TMTC4: variants seen among roughly 807,000 people sequenced by gnomAD.
TMTC4 encodes protein O-mannosyl-transferase TMTC4.
TMTC4 carries 65 observed loss-of-function variants against 86.0 expected under a neutral mutation model. That is an observed-to-expected ratio of 0.76 (90% CI 0.62 to 0.93). The LOEUF (loss-of-function observed/expected upper bound fraction) is 0.93. Ranked by LOEUF, TMTC4 falls within the 40% of genes least tolerant of loss-of-function variation. The pLI is 0.00. For missense variants in TMTC4, 866 were observed against 948.1 expected (o/e 0.91, Z 1.14); for synonymous variants, 379 against 382.5 (o/e 0.99, Z 0.11).
intron 12 of TMTC4, among the ~76,000 whole-genome samples, chr13:100,632,053 A>ACACACACACACACTCTCTCTCTCTCT (rs1296569630): frequency 1.2e-4 from 5 of 43,108 alleles, no homozygotes; most frequent in Non-Finnish European, 1.9e-4. Context: ...ACACACACAC[A>ACACACACACACACTCTCTCTCTCTCT]CTCTCTCTCT....
intron 15 of TMTC4, among the ~76,000 whole-genome samples, chr13:100,621,796 C>T (rs960886973): frequency 6.6e-6 from 1 of 152,200 alleles, no homozygotes; most frequent in East Asian, 1.9e-4. Context: ...ATACAGTGAA[C>T]AGAAACGGTA....
At position 100,605,925 on chromosome 13, in the gene TMTC4, T is replaced by C. The variant is rs1351424876; in HGVS notation, c.2134+433A>G. On this transcript the variant is annotated intron_variant, in intron 18 of 18. Coordinates refer to ENST00000342624, the MANE Select transcript of TMTC4 (RefSeq NM_032813.5). This position sits in a 1 kb window ranked among gnomAD's most constrained non-coding sequence, Gnocchi z 4.3. ...TTATAAATGCATTTTAGCCAAGGCA[T>C]AAGAGGATATAAAGCAGAAGACCAG... Among the ~76,000 whole-genome samples the C allele has an allele frequency of 2.6e-5, 4 of 152,112 alleles. No homozygotes were observed. Among genetic ancestry groups the C allele is most frequent in the Non-Finnish European group, 5.9e-5 (4 of 68,018 alleles).
rs181856722 is a variant in TMTC4, at chr13:100,658,013, A to G, written c.553-1545T>C. Among the ~76,000 whole-genome samples the G allele has an allele frequency of 2.0e-5, 3 of 152,330 alleles. No homozygotes were observed. In the East Asian group the frequency reaches 5.8e-4, roughly 29 times the overall value. On this transcript the variant is annotated intron_variant, in intron 5 of 18. Transcript: ENST00000342624. ...CACACACAAACACTACCGAGAAGGAAGCCAGGGACAAAACAAAGGCTTAAC... is the reference window on the plus strand; with the variant it reads ...CACACACAAACACTACCGAGAAGGAGGCCAGGGACAAAACAAAGGCTTAAC...
rs67759381 is a variant in TMTC4, at chr13:100,632,053, A to ACTCTCTCT, written c.1506+2744_1506+2751dup. ...CACACACACACACACACACACACACACTCTCTCTCTCTCTCTCTCTCTCTC... is the reference window on the plus strand; with the variant it reads ...CACACACACACACACACACACACACACTCTCTCTCTCTCTCTCTCTCTCTCTCTCTCTC... On this transcript the variant is annotated intron_variant, in intron 12 of 18. Coordinates refer to ENST00000342624, the MANE Select transcript of TMTC4 (RefSeq NM_032813.5). 2.6e-3 allele frequency among the ~76,000 whole-genome samples: 112 copies of ACTCTCTCT among 43,086 alleles called. 1 individual carries two copies. Among genetic ancestry groups the ACTCTCTCT allele is most frequent in the East Asian group, 0.015 (19 of 1,258 alleles). 28.3% of individuals were successfully genotyped at this position (43,086 alleles called of 152,430 possible). A position where few individuals can be genotyped will look rare whatever the true frequency, so the allele number is the denominator to read the frequency against.
chr13:100,617,177 G>A (rs757769924), intron 15 of TMTC4, among the ~76,000 whole-genome samples: 7 of 151,792 alleles, frequency 4.6e-5, no homozygotes, highest in Admixed American at 2.0e-4. Flanking sequence ...AGGCGGGAGC[G>A]CAGTGGTGTG....
intron 6 of TMTC4, among the ~76,000 whole-genome samples, chr13:100,648,497 T>C (rs1884028000): frequency 6.6e-6 from 1 of 152,208 alleles, no homozygotes; most frequent in Non-Finnish European, 1.5e-5. Flanking sequence ...TCCTGTGGTA[T>C]TTCGATTGCA....
intron 3 of TMTC4, 152 bp downstream of exon 3, chr13:100,668,427 G>A (rs1469423278): frequency 4.9e-5 from 37 of 755,718 alleles, no homozygotes; most frequent in South Asian, 2.6e-4. Context: ...TCATGGAGGC[G>A]ATGTTGAAAA....
Position 100,668,643 on chromosome 13 carries a change from C to T in TMTC4, c.155G>A (p.Cys52Tyr). ...GTCTCCATCATAGCTGCGTGCAAAA[C>T]ACACAATGGCAACCGATCCCACTAC... ...KLVVGSVAIV[C>Y]FARSYDGDFV... The change falls in exon 3 of 19, where the codon TGT (cysteine) becomes TAT (tyrosine). Residue 52 changes from cysteine to tyrosine, a missense_variant. By Grantham distance (194) the Cys-to-Tyr change is radical. Transcript: ENST00000342624. 1 of 1,614,216 alleles carries T rather than the reference C, an allele frequency of 6.2e-7. No individual in the cohort carries two copies. Among genetic ancestry groups the T allele is most frequent in the Non-Finnish European group, 8.5e-7 (1 of 1,180,044 alleles).
At chr13:100,674,933 G>T (rs1017084798), upstream of TMTC4, 6 of 985,104 alleles carry the variant, frequency 6.1e-6, no homozygotes, top group Non-Finnish European at 7.2e-6. Context: ...CGCCCCCTCC[G>T]CCCGACCATT....
intron 5 of TMTC4, among the ~76,000 whole-genome samples, chr13:100,660,354 G>C (rs200330292): frequency 1.5e-5 from 2 of 137,324 alleles, no homozygotes; most frequent in Non-Finnish European, 3.2e-5. Flanking sequence ...AAAAAGAAAA[G>C]AAAAAAAAAG....
intron 6 of TMTC4, among the ~76,000 whole-genome samples, chr13:100,643,204 C>T (rs1883261556): frequency 6.6e-6 from 1 of 152,214 alleles, no homozygotes; most frequent in African/African-American, 2.4e-5. Context: ...AATAAGCCAA[C>T]ATATAAAAAA....
chr13:100,637,949 T>C lies in TMTC4; in HGVS notation c.815A>G (p.His272Arg), dbSNP rs371183640. 1.2e-5 allele frequency: 19 copies of C among 1,613,800 alleles called. No homozygotes were observed. The African/African-American group carries it at 1.9e-4, about 16-fold the overall frequency. ...ACTCACCTCTAATGACTTGTCCTTA[T>C]GTAGTACCTTCTGGACAATTTCCAG... ...NVLEIVQKVL[H>R]KDKSLENLGM... The change falls in exon 8 of 19, where the codon CAT (histidine) becomes CGT (arginine). Residue 272 changes from histidine (H) to arginine (R), a missense_variant. Physicochemically the swap from His to Arg is conservative, Grantham distance 29. Transcript: ENST00000342624.
intron 15 of TMTC4, 67 bp from the exon 16 acceptor site, chr13:100,614,497 TAA>T (rs370662314): frequency 5.4e-3 from 4,098 of 752,108 alleles, no homozygotes; most frequent in South Asian, 0.01. Context: ...AAGACATTAT[TAA>T]AAAAAAAAAA....
Position 100,649,633 on chromosome 13 carries a change from A to T in TMTC4, c.640+6748T>A, listed in dbSNP as rs1339537461. Among the ~76,000 whole-genome samples, 3 of 152,250 alleles carry T rather than the reference A, an allele frequency of 2.0e-5. No individual in the cohort carries two copies. In the East Asian group the frequency reaches 5.8e-4, roughly 29 times the overall value. On this transcript the variant is annotated intron_variant, in intron 6 of 18. Transcript: ENST00000342624. ...TTCTTGCAATTATGAGATGTAATTT[A>T]ATACCCAAAAGTTAATCATTTGCTC...
chr13:100,669,268 T>C (rs1431894943), intron 2 of TMTC4, among the ~76,000 whole-genome samples: 1 of 151,664 alleles, frequency 6.6e-6, no homozygotes, highest in Non-Finnish European at 1.5e-5. Context: ...GAGCTTATGG[T>C]CTATTTGTAG....
At chr13:100,608,414 A>C (rs1877001761) in intron 17 of TMTC4, among the ~76,000 whole-genome samples, 1 of 152,198 alleles carries the variant, frequency 6.6e-6, no homozygotes. Context: ...AGGGGGACAA[A>C]GGAGGAAAAA....
chr13:100,662,302 A>C, intron 5 of TMTC4, among the ~76,000 whole-genome samples: 1 of 148,182 alleles, frequency 6.7e-6, no homozygotes, highest in African/African-American at 2.5e-5. Flanking sequence ...GAGTGCAGGC[A>C]CCGCTTTCCA....
intron 8 of TMTC4, 21 bp downstream of exon 8, chr13:100,637,909 G>C (rs1240271038): frequency 1.3e-6 from 2 of 1,582,984 alleles, no homozygotes; most frequent in Non-Finnish European, 1.7e-6. Context: ...GTCTGGGCTG[G>C]AGATAAAAGT....
At chr13:100,629,167 A>T (rs1302829983) in intron 12 of TMTC4, among the ~76,000 whole-genome samples, 1 of 152,186 alleles carries the variant, frequency 6.6e-6, no homozygotes, top group Non-Finnish European at 1.5e-5. Context: ...AAAAAGAAAA[A>T]GTGAAAGAAA....
Sources: gnomAD v4.1 joint callset for allele counts (sites outside exome capture counted in the v4.1 genomes callset) on GRCh38, gnomAD v4.1.1 for gene constraint, Gnocchi (gnomAD v3.1) non-coding constraint, MANE v1.5 for transcripts, NCBI Gene and HGNC (gene_info 2026-07-23, HGNC 2026-07-21) for gene names.